Variants in ZFAND3 observed in about 807,000 individuals in gnomAD.
ZFAND3 encodes zinc finger AN1-type containing 3.
In ZFAND3, 10 loss-of-function variants were observed where a neutral mutation model predicts 29.6. The ratio of observed to expected loss-of-function variants is 0.34; its 90% CI spans 0.21 to 0.57. The LOEUF (loss-of-function observed/expected upper bound fraction) is 0.57. ZFAND3 is among the 20% of genes least tolerant of loss of function. ZFAND3 has a pLI of 0.86. For missense variants in ZFAND3, 230 were observed against 304.5 expected, an observed-to-expected ratio of 0.76 and a Z score of 1.82; for synonymous variants, 128 against 112.6, an observed-to-expected ratio of 1.14 and a Z score of -0.87.
intron 2 of ZFAND3, among the ~76,000 whole-genome samples, chr6:37,999,382 G>A (rs1017436290): frequency 1.3e-5 from 2 of 152,170 alleles, no homozygotes; most frequent in Admixed American, 1.3e-4. Flanking sequence ...AGGAGCAAGG[G>A]GAGCCTGACT....
intron 2 of ZFAND3, among the ~76,000 whole-genome samples, chr6:38,004,363 G>A (rs1763005845): frequency 6.6e-6 from 1 of 152,086 alleles, no homozygotes. Context: ...GATACCGTCA[G>A]TGTTCCTCCT....
intron 1 of ZFAND3, among the ~76,000 whole-genome samples, chr6:37,856,110 T>C (rs1228320324): frequency 6.6e-6 from 1 of 152,014 alleles, no homozygotes; most frequent in Non-Finnish European, 1.5e-5. Flanking sequence ...TCCTCCAGCC[T>C]GTGCCTCCTG....
intron 5 of ZFAND3, among the ~76,000 whole-genome samples, chr6:38,141,960 T>G (rs938540959): frequency 3.3e-5 from 5 of 152,226 alleles, no homozygotes; most frequent in Non-Finnish European, 7.3e-5. Context: ...CAGCCCCATC[T>G]TAGAGCAGAC....
intron 2 of ZFAND3, chr6:38,003,736 G>A (rs1317595907): frequency 2.6e-5 from 11 of 429,502 alleles, no homozygotes; most frequent in Non-Finnish European, 4.2e-5. Flanking sequence ...GAACTCCTGA[G>A]CTCAAGTGAT....
intron 1 of ZFAND3, among the ~76,000 whole-genome samples, chr6:37,894,513 C>T (rs137916771): frequency 3.3e-5 from 5 of 151,904 alleles, no homozygotes; most frequent in Admixed American, 6.6e-5. Context: ...AGGACTTAAC[C>T]GGTGTGTGCC....
chr6:37,993,556 A>AGTT (rs1294554654), intron 2 of ZFAND3, among the ~76,000 whole-genome samples: 35 of 152,216 alleles, frequency 2.3e-4, no homozygotes, highest in African/African-American at 8.4e-4. Flanking sequence ...TGAACTCCTG[A>AGTT]CCTCAAGTGA....
At chr6:38,056,378 C>T (rs572268306) in intron 2 of ZFAND3, among the ~76,000 whole-genome samples, 2 of 152,222 alleles carry the variant, frequency 1.3e-5, no homozygotes, top group South Asian at 2.1e-4. Context: ...GCAAAATTAC[C>T]GAAATTCTTT....
rs980432003 is a variant in ZFAND3, at chr6:37,955,796, G to A, written c.112+25797G>A. Among the ~76,000 whole-genome samples, 20 of 152,338 alleles carry A rather than the reference G, an allele frequency of 1.3e-4. No homozygotes were observed. The South Asian group carries it at 1.4e-3, about 11-fold the overall frequency. On this transcript the variant is annotated intron_variant, in intron 2 of 5. Coordinates refer to ENST00000287218, the MANE Select transcript of ZFAND3 (RefSeq NM_021943.3). ...CACCAGTATAAAGTCCCAGATCAGCGCAGTAGTATGGGAATAGGAGCAAGG... is the reference window on the plus strand; with the variant it reads ...CACCAGTATAAAGTCCCAGATCAGCACAGTAGTATGGGAATAGGAGCAAGG...
chr6:38,092,716 C>T (rs1048734418), intron 4 of ZFAND3, among the ~76,000 whole-genome samples: 4 of 152,170 alleles, frequency 2.6e-5, no homozygotes, highest in Non-Finnish European at 5.9e-5. Context: ...AGATACAGCT[C>T]TGTTCAACTT....
intron 2 of ZFAND3, among the ~76,000 whole-genome samples, chr6:37,961,456 C>G (rs888271502): frequency 3.3e-5 from 5 of 152,220 alleles, no homozygotes; most frequent in Non-Finnish European, 4.4e-5. Flanking sequence ...GGACATAGGT[C>G]TGCCTGGCTT....
chr6:38,064,241 A>G (rs1272941147), intron 3 of ZFAND3, among the ~76,000 whole-genome samples: 1 of 152,230 alleles, frequency 6.6e-6, no homozygotes, highest in Non-Finnish European at 1.5e-5. Context: ...GGGCCACCAC[A>G]AATCAATTCA....
rs539114570 is a variant in ZFAND3, at chr6:38,121,022, C to T, written c.529+4283C>T. Among the ~76,000 whole-genome samples, 10 of 152,292 alleles carry T rather than the reference C, an allele frequency of 6.6e-5. No homozygotes were observed. In the South Asian group the frequency reaches 2.1e-3, roughly 32 times the overall value. ...ATGGGGAATATAGGAGCTAGAAATACAGAATCTAAGAGCTTACAGTCTAAA... is the reference window on the plus strand; with the variant it reads ...ATGGGGAATATAGGAGCTAGAAATATAGAATCTAAGAGCTTACAGTCTAAA... On this transcript the variant is annotated intron_variant, in intron 5 of 5. Transcript: ENST00000287218.
At chr6:37,912,636 A>C (rs932608088) in intron 1 of ZFAND3, among the ~76,000 whole-genome samples, 6 of 152,198 alleles carry the variant, frequency 3.9e-5, no homozygotes, top group African/African-American at 1.4e-4. Flanking sequence ...ATCATTGATA[A>C]GAAGTCATAT....
At chr6:38,043,371 CCT>C (rs1763830134) in intron 2 of ZFAND3, among the ~76,000 whole-genome samples, 1 of 151,008 alleles carries the variant, frequency 6.6e-6, no homozygotes, top group African/African-American at 2.4e-5. Context: ...TTTTGCCTCT[CCT>C]CTCTCCTCCC....
chr6:38,061,082 A>G (rs1269735750), intron 2 of ZFAND3, among the ~76,000 whole-genome samples: 1 of 152,196 alleles, frequency 6.6e-6, no homozygotes. Context: ...TGTCCCTTGT[A>G]AATTGAATAC....
Position 37,993,974 on chromosome 6 carries a change from C to T in ZFAND3, c.112+63975C>T, listed in dbSNP as rs185358433. Among the ~76,000 whole-genome samples, 7 of 152,188 alleles carry T rather than the reference C, an allele frequency of 4.6e-5. No homozygotes were observed. The East Asian group carries it at 7.7e-4, about 17-fold the overall frequency. ...GTGAATGTTACCAGTAAAGATAAAT[C>T]GTTATCGAACTACCATTCCAACAGA... is the stretch of plus-strand genomic sequence containing the variant. On this transcript the variant is annotated intron_variant, in intron 2 of 5. Coordinates refer to ENST00000287218, the MANE Select transcript of ZFAND3 (RefSeq NM_021943.3).
intron 2 of ZFAND3, among the ~76,000 whole-genome samples, chr6:37,947,098 A>G (rs958692736): frequency 6.6e-6 from 1 of 152,214 alleles, no homozygotes; most frequent in South Asian, 2.1e-4. Context: ...GATAATGATT[A>G]AAATAGTGTT....
chr6:37,890,531 C>T (rs1765076620), intron 1 of ZFAND3, among the ~76,000 whole-genome samples: 2 of 152,110 alleles, frequency 1.3e-5, no homozygotes, highest in Admixed American at 6.6e-5. Context: ...ATTGTTCTAC[C>T]TCATTGGGTT....
chr6:37,857,305 T>G (rs2127382051), intron 1 of ZFAND3, among the ~76,000 whole-genome samples: 1 of 152,322 alleles, frequency 6.6e-6, no homozygotes, highest in East Asian at 1.9e-4. Context: ...AACACTGTGC[T>G]AAGGCTCTGC....
Sources: gnomAD v4.1 joint callset for allele counts (sites outside exome capture counted in the v4.1 genomes callset) on GRCh38, gnomAD v4.1.1 for gene constraint, MANE v1.5 for transcripts, NCBI Gene and HGNC (gene_info 2026-07-23, HGNC 2026-07-21) for gene names.